Variants in SNTG1 observed in about 807,000 individuals in gnomAD.
SNTG1 encodes gamma-1-syntrophin.
A neutral mutation model predicts 74.7 loss-of-function variants in SNTG1; 39 were observed. The ratio of observed to expected loss-of-function variants is 0.52; its 90% CI spans 0.40 to 0.68. SNTG1 has a LOEUF of 0.68. Ranked by LOEUF, SNTG1 falls within the 30% of genes least tolerant of loss-of-function variation. The probability of loss-of-function intolerance (pLI) is 0.00; values close to 1 mark genes in which losing one functional copy is unlikely to be tolerated. For missense variants in SNTG1, 685 were observed against 609.5 expected, an observed-to-expected ratio of 1.12 and a Z score of -1.30; for synonymous variants, 254 against 217.1, an observed-to-expected ratio of 1.17 and a Z score of -1.49.
At chr8:49,962,820 T>C (rs573529017) in intron 1 of SNTG1, among the ~76,000 whole-genome samples, 3 of 152,338 alleles carry the variant, frequency 2.0e-5, no homozygotes, top group South Asian at 4.1e-4. Context: ...CTTGAACTCT[T>C]GACCTCAAGT....
At chr8:50,549,335 A>G (rs985490079) in intron 11 of SNTG1, among the ~76,000 whole-genome samples, 1 of 152,134 alleles carries the variant, frequency 6.6e-6, no homozygotes, top group Non-Finnish European at 1.5e-5. Context: ...CACAAACCCA[A>G]GGGGCCTCTT....
intron 8 of SNTG1, among the ~76,000 whole-genome samples, chr8:50,466,207 G>T (rs944552986): frequency 6.6e-6 from 1 of 151,880 alleles, no homozygotes; most frequent in Admixed American, 6.6e-5. Context: ...TATTAATTTT[G>T]AGTTCATTTT....
chr8:50,674,703 C>T (rs566961461), intron 15 of SNTG1, among the ~76,000 whole-genome samples: 16 of 152,158 alleles, frequency 1.1e-4, no homozygotes, highest in African/African-American at 3.9e-4. Context: ...TTGTCTTCTG[C>T]TAACTATTGA....
intron 1 of SNTG1, among the ~76,000 whole-genome samples, chr8:49,982,514 A>G (rs1028845394): frequency 6.6e-6 from 1 of 151,822 alleles, no homozygotes; most frequent in Non-Finnish European, 1.5e-5. Flanking sequence ...ATACATGTAT[A>G]CATACATAAT....
chr8:50,689,235 C>A (rs1334905967), intron 15 of SNTG1, among the ~76,000 whole-genome samples: 1 of 152,102 alleles, frequency 6.6e-6, no homozygotes, highest in African/African-American at 2.4e-5. Flanking sequence ...AATTGAATAG[C>A]CTTTATTTTC....
intron 1 of SNTG1, among the ~76,000 whole-genome samples, chr8:49,929,744 T>G (rs1460739803): frequency 6.6e-6 from 1 of 152,074 alleles, no homozygotes; most frequent in Non-Finnish European, 1.5e-5. Flanking sequence ...ACTTTAAGTT[T>G]TAGGGTACAT....
At chr8:50,052,717 A>C (rs1285932486) in intron 1 of SNTG1, among the ~76,000 whole-genome samples, 1 of 152,152 alleles carries the variant, frequency 6.6e-6, no homozygotes. Context: ...CTTTTAACTG[A>C]CAGTAAAAAG....
chr8:50,107,424 T>G (rs1258753873), intron 1 of SNTG1, among the ~76,000 whole-genome samples: 1 of 152,206 alleles, frequency 6.6e-6, no homozygotes, highest in Admixed American at 6.6e-5. Flanking sequence ...TAAGGTGTCT[T>G]TAAATACTTC....
chr8:50,368,133 G>T (rs1012478488), intron 2 of SNTG1, among the ~76,000 whole-genome samples: 6 of 152,136 alleles, frequency 3.9e-5, no homozygotes, highest in Non-Finnish European at 7.3e-5. Context: ...AATGTTTGTG[G>T]AAATATAGAC....
intron 1 of SNTG1, among the ~76,000 whole-genome samples, chr8:49,937,599 T>C (rs1808204493): frequency 6.6e-6 from 1 of 152,194 alleles, no homozygotes; most frequent in African/African-American, 2.4e-5. Flanking sequence ...TCAGGAAATA[T>C]GAAGGACAAT....
intron 2 of SNTG1, among the ~76,000 whole-genome samples, chr8:50,203,189 C>T (rs1325695580): frequency 6.6e-6 from 1 of 152,110 alleles, no homozygotes; most frequent in Non-Finnish European, 1.5e-5. Flanking sequence ...CTGATGAATC[C>T]ATCAAAGGCA....
At chr8:50,513,587 T>G (rs948767653) in intron 9 of SNTG1, among the ~76,000 whole-genome samples, 1 of 152,226 alleles carries the variant, frequency 6.6e-6, no homozygotes, top group Non-Finnish European at 1.5e-5. Flanking sequence ...CCTGGGTGCT[T>G]TGTCTACCTA....
chr8:50,326,566 T>C (rs956649209), intron 2 of SNTG1, among the ~76,000 whole-genome samples: 4 of 151,402 alleles, frequency 2.6e-5, no homozygotes, highest in Non-Finnish European at 4.4e-5. Context: ...ATATTAGTAA[T>C]TTGTGTCTTG....
chr8:50,788,085 GAC>G (rs1251941746), intron 18 of SNTG1, among the ~76,000 whole-genome samples: 1 of 151,988 alleles, frequency 6.6e-6, no homozygotes, highest in East Asian at 1.9e-4. Flanking sequence ...ACACAATAAT[GAC>G]ATAAGTAAAT....
intron 1 of SNTG1, among the ~76,000 whole-genome samples, chr8:49,969,387 CTTTTT>C (rs575026898): frequency 8.0e-3 from 377 of 47,156 alleles, no homozygotes; most frequent in African/African-American, 0.02. Context: ...TTCATTTAAT[CTTTTT>C]TTTTTTTTTT....
intron 1 of SNTG1, among the ~76,000 whole-genome samples, chr8:49,980,551 A>T (rs1227682158): frequency 2.2e-5 from 3 of 133,406 alleles, no homozygotes; most frequent in African/African-American, 8.4e-5. Flanking sequence ...AAAAAAAAAA[A>T]TTATGTTTGC....
chr8:50,076,417 C>A (rs541065011), intron 1 of SNTG1, among the ~76,000 whole-genome samples: 13 of 152,198 alleles, frequency 8.5e-5, no homozygotes, highest in African/African-American at 2.9e-4. Context: ...AATTCCAATG[C>A]AATGAATTGG....
chr8:50,763,739 A>G (rs1213420671), intron 18 of SNTG1, among the ~76,000 whole-genome samples: 1 of 146,622 alleles, frequency 6.8e-6, no homozygotes, highest in Non-Finnish European at 1.5e-5. Flanking sequence ...CAGGGATTGG[A>G]AAAATTAATG....
intron 1 of SNTG1, among the ~76,000 whole-genome samples, chr8:50,127,177 C>T (rs1029308157): frequency 5.3e-5 from 8 of 151,964 alleles, no homozygotes; most frequent in Admixed American, 3.9e-4. Context: ...AATTTGCTGA[C>T]GCAGAGCTAG....
Sources: allele counts gnomAD v4.1 joint callset (sites outside exome capture counted in the v4.1 genomes callset), GRCh38; gene constraint gnomAD v4.1.1; transcripts MANE v1.5; gene names NCBI Gene and HGNC (gene_info 2026-07-23, HGNC 2026-07-21).